SLC25A19: variants seen among roughly 807,000 people sequenced by gnomAD.
SLC25A19 encodes the protein mitochondrial thiamine pyrophosphate carrier.
Under a neutral mutation model 27.9 loss-of-function variants are expected in SLC25A19, and 18 were observed. The ratio of observed to expected loss-of-function variants is 0.64; its 90% CI spans 0.45 to 0.96. SLC25A19 has a LOEUF of 0.96. Among genes scored for constraint, SLC25A19 ranks in the 40% least tolerant of loss-of-function variants. The pLI is 0.00. For synonymous variants in SLC25A19, 169 were observed against 167.1 expected (o/e 1.01, Z -0.09); for missense variants, 371 against 418.3 (o/e 0.89, Z 0.99).
At chr17:75,280,616 C>T (rs2078014782) in intron 5 of SLC25A19, among the ~76,000 whole-genome samples, 1 of 152,062 alleles carries the variant, frequency 6.6e-6, no homozygotes, top group Non-Finnish European at 1.5e-5. Context: ...AGTTCAAGAC[C>T]AGCCTGGCCA....
chr17:75,279,665 C>T (rs919549864), intron 5 of SLC25A19, among the ~76,000 whole-genome samples: 13 of 152,132 alleles, frequency 8.5e-5, no homozygotes, highest in African/African-American at 2.7e-4. Flanking sequence ...CCTGACACCA[C>T]GCCCAACTAA....
intron 7 of SLC25A19, among the ~76,000 whole-genome samples, chr17:75,276,103 G>A (rs527669928): frequency 2.4e-4 from 37 of 151,938 alleles, no homozygotes; most frequent in Non-Finnish European, 3.7e-4. Context: ...GTGAAACCCC[G>A]TCTCTACTAA....
At chr17:75,280,907 C>T (rs949779722) in intron 5 of SLC25A19, among the ~76,000 whole-genome samples, 1 of 138,664 alleles carries the variant, frequency 7.2e-6, no homozygotes, top group Non-Finnish European at 1.5e-5. Context: ...CCAGACTGGG[C>T]GACAGAGCCA....
At position 75,286,724 on chromosome 17, in the gene SLC25A19, G is replaced by C. The variant is rs750024628; in HGVS notation, c.41C>G (p.Thr14Ser). Reference sequence around the variant, plus strand: ...CCCAGCCACTGCCACCTGGAACTTGGTGTTATTCCTGCCATCTGGTTTGGG... The same window carrying C: ...CCCAGCCACTGCCACCTGGAACTTGCTGTTATTCCTGCCATCTGGTTTGGG... ...YDPKPDGRNN[T>S]KFQVAVAGSV... The change falls in exon 3 of 8, where the codon ACC becomes AGC. Residue 14 changes from threonine (T) to serine (S), a missense_variant. By Grantham distance (58) the Thr-to-Ser change is moderately conservative. Transcript: ENST00000416858. 1 of 1,614,176 alleles carries C rather than the reference G, an allele frequency of 6.2e-7. No individual in the cohort carries two copies. The highest frequency in any genetic ancestry group is 2.2e-5 in the East Asian group (1 of 44,886).
At chr17:75,280,162 T>C (rs1407727260) in intron 5 of SLC25A19, among the ~76,000 whole-genome samples, 3 of 151,538 alleles carry the variant, frequency 2.0e-5, no homozygotes, top group Non-Finnish European at 4.4e-5. Context: ...AGCCTAGGAG[T>C]TCGAGAACAG....
chr17:75,276,663 C>G (rs2077895533), intron 7 of SLC25A19, among the ~76,000 whole-genome samples: 1 of 148,458 alleles, frequency 6.7e-6, no homozygotes, highest in African/African-American at 2.4e-5. Flanking sequence ...CCACCACGTC[C>G]ACGCCCAGCC....
intron 2 of SLC25A19, chr17:75,287,060 T>C: frequency 2.7e-6 from 1 of 370,294 alleles, no homozygotes; most frequent in Non-Finnish European, 5.2e-6. Context: ...AATTTAAAAA[T>C]AAAATAAAAT....
At chr17:75,280,830 T>C (rs1477747075) in intron 5 of SLC25A19, among the ~76,000 whole-genome samples, 1 of 151,528 alleles carries the variant, frequency 6.6e-6, no homozygotes, top group Non-Finnish European at 1.5e-5. Flanking sequence ...TCCCAGCTGC[T>C]TGGGAGGCTG....
In SLC25A19 at chr17:75,277,364, C is replaced by A; in HGVS notation, c.763G>T (p.Ala255Ser). Residue 255 changes from alanine to serine, a missense_variant, in exon 7 of 8, where the codon GCC (alanine) becomes TCC (serine). Physicochemically the swap from Ala to Ser is moderately conservative, Grantham distance 99. Coordinates refer to ENST00000416858, the MANE Select transcript of SLC25A19 (RefSeq NM_001126121.2). ...QVGGFEHARAAFGQVRRYKGL... is the reference protein window; with the variant it reads ...QVGGFEHARASFGQVRRYKGL... ...AGTGAACGGCTCACCTGGCCAAAGG[C>A]AGCTCTGGCATGCTCAAACCCTCCA... 1.2e-6 allele frequency: 2 copies of A among 1,613,580 alleles called. No homozygotes were observed. Among genetic ancestry groups the A allele is most frequent in the African/African-American group, 2.7e-5 (2 of 75,018 alleles).
chr17:75,277,992 C>G (rs989743400), intron 6 of SLC25A19, among the ~76,000 whole-genome samples, 160 bp downstream of exon 6: 3 of 152,116 alleles, frequency 2.0e-5, no homozygotes, highest in African/African-American at 7.2e-5. Context: ...AAGTCCTCTC[C>G]AAGCAGCTGC....
intron 7 of SLC25A19, among the ~76,000 whole-genome samples, chr17:75,274,276 C>A (rs2077805819): frequency 6.6e-6 from 1 of 152,136 alleles, no homozygotes; most frequent in African/African-American, 2.4e-5. Flanking sequence ...CCTTGGGCAG[C>A]AGATCTGAAC....
intron 2 of SLC25A19, chr17:75,287,409 A>T (rs939848699): frequency 6.5e-6 from 1 of 154,424 alleles, no homozygotes; most frequent in African/African-American, 2.4e-5. Context: ...CCGGCACGCC[A>T]TGGGTTATTT....
chr17:75,273,378 C>T lies in SLC25A19; in HGVS notation c.*73G>A. 1 of 1,525,252 alleles carries T rather than the reference C, an allele frequency of 6.6e-7. No individual in the cohort carries two copies. The highest frequency in any genetic ancestry group is 8.9e-7 in the Non-Finnish European group (1 of 1,125,030). The allele number at this position is 1,525,252 out of a possible 1,614,324, so 94.5% of individuals were successfully genotyped here. ...GCCTGCAGGGAAGGGCCAGACGGCA[C>T]CTCTCAGTGGAGACTGAATCTTCCT... On this transcript the variant is annotated 3_prime_UTR_variant, in exon 8 of 8. Coordinates refer to ENST00000416858, the MANE Select transcript of SLC25A19 (RefSeq NM_001126121.2).
intron 4 of SLC25A19, among the ~76,000 whole-genome samples, chr17:75,284,589 TG>T (rs1464659743): frequency 1.3e-5 from 2 of 151,464 alleles, no homozygotes; most frequent in Non-Finnish European, 2.9e-5. Context: ...CAGATTCTTT[TG>T]GGAGCATGTT....
In SLC25A19 at chr17:75,273,583, G is replaced by A. The variant is rs1471557206; in HGVS notation, c.831C>T (p.Gly277=). 5.0e-6 allele frequency: 8 copies of A among 1,613,760 alleles called. No individual in the cohort carries two copies. Among genetic ancestry groups the A allele is most frequent in the Middle Eastern group, 1.7e-4 (1 of 5,926 alleles). Residue 277 remains glycine, a synonymous_variant, in exon 8 of 8, where the codon GGC becomes GGT. Coordinates refer to ENST00000416858, the MANE Select transcript of SLC25A19 (RefSeq NM_001126121.2). ...ACAGGCCCTTGAAGAAGCCCAGGGC[G>A]CCTTCCTTTTGCAGCACCTGCTTGG... is the stretch of plus-strand genomic sequence containing the variant. The part of the protein sequence containing the change: ...DCAKQVLQKE[G]ALGFFKGLSP...
At chr17:75,282,150 G>A (rs547153650) in intron 5 of SLC25A19, among the ~76,000 whole-genome samples, 5 of 152,210 alleles carry the variant, frequency 3.3e-5, no homozygotes, top group South Asian at 2.1e-4. Context: ...CTACCGGGGA[G>A]GCTGAGGCAG....
At position 75,273,196 on chromosome 17, in the gene SLC25A19, G is replaced by A. The variant is rs2077771439; in HGVS notation, c.*255C>T. On this transcript the variant is annotated 3_prime_UTR_variant, in exon 8 of 8. Coordinates refer to ENST00000416858, the MANE Select transcript of SLC25A19 (RefSeq NM_001126121.2). ...CCTTTGGAGTGTGGGCTGGTCAGAG[G>A]AGAAACAGCAACTTCCTGCTCCTTC... is the stretch of plus-strand genomic sequence containing the variant. The A allele has an allele frequency of 1.9e-6, 1 of 518,800 alleles. No homozygotes were observed. 32.1% of individuals were successfully genotyped at this position (518,800 alleles called of 1,614,324 possible).
In SLC25A19 at chr17:75,276,200, G is replaced by A. The variant is rs377741877; in HGVS notation, c.774+1153C>T. Among the ~76,000 whole-genome samples the A allele has an allele frequency of 4.6e-5, 7 of 152,242 alleles. No individual in the cohort carries two copies. The East Asian group carries it at 1.2e-3, about 25-fold the overall frequency. On this transcript the variant is annotated intron_variant, in intron 7 of 7. Coordinates refer to ENST00000416858, the MANE Select transcript of SLC25A19 (RefSeq NM_001126121.2). ...TGAGGCAGGAGAATTGCTTGAACCC[G>A]GGAGGCAGAGGTTGCAGTGAGCCGA...
rs750812526 is a variant in SLC25A19, at chr17:75,286,343, G to C, written c.249C>G (p.Val83=). The C allele has an allele frequency of 6.2e-7, 1 of 1,614,130 alleles. No homozygotes were observed. Among genetic ancestry groups the C allele is most frequent in the Non-Finnish European group, 8.5e-7 (1 of 1,180,046 alleles). ...EGPTAFWKGH[V]PAQILSIGYG... Reference sequence around the variant, plus strand: ...AGCCTATGGAGAGAATCTGAGCTGGGACGTGTCCTTTCCAGAAAGCTGTCG... The same window carrying C: ...AGCCTATGGAGAGAATCTGAGCTGGCACGTGTCCTTTCCAGAAAGCTGTCG... The change falls in exon 4 of 8, where the codon GTC becomes GTG. Residue 83 remains valine (V), a synonymous_variant. Transcript: ENST00000416858.
Sources: gnomAD v4.1 joint callset for allele counts (sites outside exome capture counted in the v4.1 genomes callset) on GRCh38, gnomAD v4.1.1 for gene constraint, MANE v1.5 for transcripts, NCBI Gene and HGNC (gene_info 2026-07-23, HGNC 2026-07-21) for gene names.